Variants in ZRSR2 observed in about 807,000 individuals in gnomAD.
The protein encoded by ZRSR2 is U2 small nuclear ribonucleoprotein auxiliary factor 35 kDa subunit-related protein 2.
A neutral mutation model predicts 39.4 loss-of-function variants in ZRSR2; 3 were observed. That is an observed-to-expected ratio of 0.08 (90% CI 0.03 to 0.20). The LOEUF (loss-of-function observed/expected upper bound fraction) is 0.20. Ranked by LOEUF, ZRSR2 falls within the 10% of genes least tolerant of loss-of-function variation. ZRSR2 has a pLI of 1.00. For missense variants in ZRSR2, 256 were observed against 391.5 expected, an observed-to-expected ratio of 0.65 and a Z score of 2.92; for synonymous variants, 137 against 136.0, an observed-to-expected ratio of 1.01 and a Z score of -0.05.
intron 2 of ZRSR2, among the ~76,000 whole-genome samples, chrX:15,796,054 A>T (rs1932444982): frequency 9.4e-6 from 1 of 106,210 alleles, no homozygotes; most frequent in Non-Finnish European, 1.9e-5. Context: ...TTTGAGATGG[A>T]GTCTTGCTCT....
chrX:15,799,073 C>T (rs1217511341), intron 2 of ZRSR2, among the ~76,000 whole-genome samples: 1 of 109,281 alleles, frequency 9.2e-6, no homozygotes. Context: ...GTAGTCCCAG[C>T]TACTTGGGAA....
intron 7 of ZRSR2, among the ~76,000 whole-genome samples, chrX:15,810,715 T>A (rs1320044741): frequency 9.2e-6 from 1 of 109,096 alleles, no homozygotes; most frequent in African/African-American, 3.3e-5. Context: ...TACCTCAAGT[T>A]GAGTAAATCA....
intron 3 of ZRSR2, 66 bp from the exon 4 acceptor site, chrX:15,803,622 C>CGT (rs1325757976): frequency 1.7e-5 from 19 of 1,118,437 alleles, no homozygotes; most frequent in East Asian, 1.7e-4. Context: ...ATTTTGCTCT[C>CGT]GTGTGTGTGT....
intron 4 of ZRSR2, 120 bp from the exon 5 acceptor site, chrX:15,803,991 A>C: frequency 9.7e-7 from 1 of 1,026,958 alleles, no homozygotes; most frequent in South Asian, 2.9e-5. Flanking sequence ...TAAAAAAAAA[A>C]AACAAAAAAC....
intron 5 of ZRSR2, among the ~76,000 whole-genome samples, chrX:15,805,800 G>GAT (rs1932773306): frequency 9.1e-6 from 1 of 109,559 alleles, no homozygotes; most frequent in East Asian, 2.8e-4. Context: ...GCGTGGTGAT[G>GAT]GGCGCCTGTA....
chrX:15,807,448 C>T (rs1932807899), intron 5 of ZRSR2, among the ~76,000 whole-genome samples: 1 of 109,004 alleles, frequency 9.2e-6, no homozygotes, highest in African/African-American at 3.3e-5. Flanking sequence ...TGCCACCACA[C>T]CTGGCTAATT....
In ZRSR2 at chrX:15,822,447, A is replaced by G. The variant is rs770313260; in HGVS notation, c.938-284A>G. On this transcript the variant is annotated intron_variant, in intron 10 of 10. Coordinates refer to ENST00000307771, the MANE Select transcript of ZRSR2 (RefSeq NM_005089.4). The stretch of plus-strand genomic sequence containing the variant: ...ACCTGGAGAAGATAACGTGGTCACC[A>G]TTTGCTCAGTTGCAGTCTGCACCAT... 4.4e-5 allele frequency among the ~76,000 whole-genome samples: 5 copies of G among 112,388 alleles called. No individual in the cohort carries two copies. In the East Asian group the frequency reaches 8.4e-4, roughly 19 times the overall value.
intron 9 of ZRSR2, 41 bp downstream of exon 9, chrX:15,818,683 G>A (rs761804849): frequency 9.2e-6 from 10 of 1,086,050 alleles, no homozygotes; most frequent in Non-Finnish European, 1.3e-5. Context: ...ATTTGTCACA[G>A]TTTGTTGTTC....
intron 2 of ZRSR2, among the ~76,000 whole-genome samples, chrX:15,797,929 A>G (rs1040992381): frequency 1.8e-5 from 2 of 111,968 alleles, no homozygotes; most frequent in Admixed American, 9.5e-5. Flanking sequence ...AGCTGTGTCT[A>G]TGCCCTGTCT....
At chrX:15,797,612 A>T (rs1444921887) in intron 2 of ZRSR2, among the ~76,000 whole-genome samples, 2 of 108,894 alleles carry the variant, frequency 1.8e-5, no homozygotes, top group African/African-American at 6.7e-5. Context: ...CTTTTTCTTA[A>T]TTTTTTTCAG....
intron 5 of ZRSR2, among the ~76,000 whole-genome samples, chrX:15,806,142 G>C (rs1356655558): frequency 9.4e-6 from 1 of 106,690 alleles, no homozygotes; most frequent in Non-Finnish European, 1.9e-5. Context: ...GTCCAAAGGA[G>C]AGAAGGGCAG....
At chrX:15,811,476 G>A (rs913562772) in intron 7 of ZRSR2, among the ~76,000 whole-genome samples, 1 of 108,846 alleles carries the variant, frequency 9.2e-6, no homozygotes, top group East Asian at 3.0e-4. Flanking sequence ...CCAGGCTGGA[G>A]TGCAGTGGCA....
At chrX:15,808,127 C>T (rs916826399) in intron 5 of ZRSR2, 106 bp from the exon 6 acceptor site, 6 of 665,422 alleles carry the variant, frequency 9.0e-6, no homozygotes, top group East Asian at 3.2e-5. Flanking sequence ...AACTTGTGTG[C>T]GTGTGTGTGT....
chrX:15,792,438 A>C (rs1305650536), intron 2 of ZRSR2, among the ~76,000 whole-genome samples: 1 of 112,144 alleles, frequency 8.9e-6, no homozygotes, highest in Non-Finnish European at 1.9e-5. Flanking sequence ...CAAACAAACA[A>C]ATAAAAATAC....
chrX:15,795,100 A>G (rs1350213167), intron 2 of ZRSR2, among the ~76,000 whole-genome samples: 1 of 56,472 alleles, frequency 1.8e-5, no homozygotes, highest in Non-Finnish European at 3.2e-5. Context: ...CCCCCCCCCC[A>G]TATTTACAAT....
rs767779874 is a variant in ZRSR2 at position 15,823,047 on chromosome X, C to T, written c.1254C>T (p.His418=). 8.3e-7 allele frequency: 1 copy of T among 1,210,278 alleles called. No individual in the cohort carries two copies. The highest frequency in any genetic ancestry group is 1.8e-5 in the South Asian group (1 of 56,824). Residue 418 remains histidine, a synonymous_variant, in exon 11 of 11, where the codon CAC becomes CAT. Transcript: ENST00000307771. ...HKRTSKSRER[H]NSRSRGRNRD... is the part of the protein sequence containing the mutation. ...GCACATCAAAGAGTCGGGAGAGGCA[C>T]AATTCACGAAGCAGAGGAAGAAATA...
At chrX:15,813,095 G>A (rs1379993182) in intron 7 of ZRSR2, among the ~76,000 whole-genome samples, 12 of 112,029 alleles carry the variant, frequency 1.1e-4, no homozygotes, top group East Asian at 8.4e-4. Context: ...AAGGTAATGC[G>A]TACCAGGAGC....
At chrX:15,818,727 A>T (rs1933031254) in intron 9 of ZRSR2, 85 bp downstream of exon 9, 1 of 708,931 alleles carries the variant, frequency 1.4e-6, no homozygotes, top group Non-Finnish European at 2.1e-6. Flanking sequence ...TTTCCACTGG[A>T]TATATAACTT....
intron 6 of ZRSR2, among the ~76,000 whole-genome samples, chrX:15,808,975 G>A (rs1932840406): frequency 9.0e-6 from 1 of 111,727 alleles, no homozygotes; most frequent in Non-Finnish European, 1.9e-5. Context: ...CCTGGTGGCA[G>A]TAGTGATACC....
Sources: allele counts gnomAD v4.1 joint callset (sites outside exome capture counted in the v4.1 genomes callset), GRCh38; gene constraint gnomAD v4.1.1; transcripts MANE v1.5; gene names NCBI Gene and HGNC (gene_info 2026-07-23, HGNC 2026-07-21).